Variants in IGSF10 observed in about 807,000 individuals in gnomAD.
IGSF10 encodes immunoglobulin superfamily member 10.
A neutral mutation model predicts 128.2 loss-of-function variants in IGSF10; 126 were observed. That is an observed-to-expected ratio of 0.98 (90% CI 0.85 to 1.14). The LOEUF is 1.14. IGSF10 is among the 50% of genes most tolerant of loss of function. The pLI, the probability that IGSF10 is intolerant of heterozygous loss-of-function variation, is 0.00. For synonymous variants in IGSF10, 1,185 were observed against 1,146.2 expected, an observed-to-expected ratio of 1.03 and a Z score of -0.68; for missense variants, 3,295 against 3,149.8, an observed-to-expected ratio of 1.05 and a Z score of -1.10.
chr3:151,617,238 TC>T, the IGSF10 span, among the ~76,000 whole-genome samples: 3 of 104,424 alleles, frequency 2.9e-5, no homozygotes, highest in South Asian at 5.8e-4. Flanking sequence ...TTCTTCTTCT[TC>T]CTCCTCCTCT....
At chr3:151,521,377 A>G in the IGSF10 span, among the ~76,000 whole-genome samples, 2 of 151,966 alleles carry the variant, frequency 1.3e-5, no homozygotes, top group Non-Finnish European at 1.5e-5. Context: ...ATATACCTTT[A>G]CAGAACTCTC....
Position 151,458,539 on chromosome 3 carries a change from G to A in IGSF10, c.171C>T (p.Pro57=). ...ACCCTAAATTGATGCGTTCCACATT[G>A]GGCGGGATGCTGTCTGGGATGGAAG... ...YLTSIPDSIP[P]NVERINLGYN... Residue 57 remains proline (P), a synonymous_variant, in exon 3 of 8, where the codon CCC becomes CCT. Coordinates refer to ENST00000282466, the MANE Select transcript of IGSF10 (RefSeq NM_178822.5). 1.9e-6 allele frequency: 3 copies of A among 1,613,902 alleles called. No individual in the cohort carries two copies.
At chr3:151,481,099 G>A in the IGSF10 span, among the ~76,000 whole-genome samples, 7 of 152,212 alleles carry the variant, frequency 4.6e-5, no homozygotes, top group Non-Finnish European at 1.0e-4. Flanking sequence ...CTGACATGGT[G>A]CCTGACCCCC....
At chr3:151,464,976 T>G (rs1300457648), upstream of IGSF10, among the ~76,000 whole-genome samples, 1 of 152,208 alleles carries the variant, frequency 6.6e-6, no homozygotes, top group Admixed American at 6.5e-5. Context: ...GAACACCATG[T>G]ATGGGTACAG....
the IGSF10 span, among the ~76,000 whole-genome samples, chr3:151,571,128 CT>C: frequency 1.3e-4 from 20 of 152,296 alleles, no homozygotes; most frequent in African/African-American, 4.3e-4. Flanking sequence ...GTTTTGGTTA[CT>C]GTAGGCTTGT....
the IGSF10 span, among the ~76,000 whole-genome samples, chr3:151,538,719 C>A: frequency 1.3e-5 from 2 of 152,134 alleles, no homozygotes; most frequent in African/African-American, 2.4e-5. Flanking sequence ...GAACATTACT[C>A]TTTCAACCCC....
chr3:151,597,734 T>A, the IGSF10 span, among the ~76,000 whole-genome samples: 1 of 152,032 alleles, frequency 6.6e-6, no homozygotes, highest in South Asian at 2.1e-4. Context: ...CTGGCCAATA[T>A]GGTGAAACCT....
the IGSF10 span, among the ~76,000 whole-genome samples, chr3:151,550,779 C>G: frequency 6.6e-6 from 1 of 152,112 alleles, no homozygotes; most frequent in East Asian, 1.9e-4. Context: ...TAGATTGTGT[C>G]CATGTACCCT....
the IGSF10 span, among the ~76,000 whole-genome samples, chr3:151,489,636 C>T: frequency 6.6e-6 from 1 of 152,084 alleles, no homozygotes; most frequent in Non-Finnish European, 1.5e-5. Context: ...GAATACTATG[C>T]AGCCATAAAA....
the IGSF10 span, among the ~76,000 whole-genome samples, chr3:151,512,415 G>A: frequency 3.4e-4 from 52 of 152,178 alleles, no homozygotes; most frequent in African/African-American, 1.0e-3. Context: ...TGAAACCAAC[G>A]AGAACAAAGA....
the IGSF10 span, among the ~76,000 whole-genome samples, chr3:151,482,207 T>G: frequency 1.3e-5 from 2 of 152,030 alleles, no homozygotes; most frequent in African/African-American, 4.8e-5. Flanking sequence ...AAATGAAAAT[T>G]TATAAATTGC....
the IGSF10 span, among the ~76,000 whole-genome samples, chr3:151,477,216 TA>T: frequency 6.6e-6 from 1 of 152,224 alleles, no homozygotes; most frequent in Non-Finnish European, 1.5e-5. Flanking sequence ...GTCATTGATT[TA>T]ATACCATATT....
chr3:151,619,073 GTAAA>G, the IGSF10 span, among the ~76,000 whole-genome samples: 4 of 151,476 alleles, frequency 2.6e-5, no homozygotes, highest in Non-Finnish European at 5.9e-5. Flanking sequence ...AAGTAAATAT[GTAAA>G]TAAAATATAA....
chr3:151,579,868 A>G, the IGSF10 span, among the ~76,000 whole-genome samples: 3 of 136,348 alleles, frequency 2.2e-5, no homozygotes. Flanking sequence ...GGAGGAAGGG[A>G]GGAAGGAAAG....
the IGSF10 span, among the ~76,000 whole-genome samples, chr3:151,582,334 T>C: frequency 7.0e-6 from 1 of 141,938 alleles, no homozygotes; most frequent in South Asian, 2.5e-4. Flanking sequence ...TGAAAACCCA[T>C]TTAACTAATA....
In IGSF10 at chr3:151,436,518, T is replaced by G. The variant is rs1720242242; in HGVS notation, c.*171A>C. ...TTTTGAGATCCATTAAATAAATCAG[T>G]ATCATCAGTTCATAATGCATTTATT... On this transcript the variant is annotated 3_prime_UTR_variant, in exon 8 of 8. Coordinates refer to ENST00000282466, the MANE Select transcript of IGSF10 (RefSeq NM_178822.5). The G allele has an allele frequency of 3.8e-6, 2 of 522,658 alleles. No homozygotes were observed. Among genetic ancestry groups the G allele is most frequent in the Non-Finnish European group, 3.3e-6 (1 of 302,928 alleles). 32.4% of individuals were successfully genotyped at this position (522,658 alleles called of 1,614,324 possible). A position where few individuals can be genotyped will look rare whatever the true frequency, so the allele number is the denominator to read the frequency against.
rs777932572 is a variant in IGSF10 at position 151,446,487 on chromosome 3, AC to A, written c.3493del (p.Val1165CysfsTer12). 13 of 1,614,104 alleles carry A rather than the reference AC, an allele frequency of 8.1e-6. No individual in the cohort carries two copies. The highest frequency in any genetic ancestry group is 4.2e-6 in the Non-Finnish European group (5 of 1,180,050). On this transcript the variant is annotated frameshift_variant, in exon 6 of 8. Coordinates refer to ENST00000282466, the MANE Select transcript of IGSF10 (RefSeq NM_178822.5). LOFTEE classifies it high-confidence loss of function. Reference protein sequence around the residue: ...THKVNASYPRVSSTNEAKRDS... With the variant: ...THKVNASYPRXSSTNEAKRDS... ...TCTTTTAGCTTCATTGGTGCTAGAC[AC>A]ACGTGGGTAACTGGCGTTTACTTTG...
the IGSF10 span, among the ~76,000 whole-genome samples, chr3:151,525,257 G>T: frequency 6.6e-6 from 1 of 151,788 alleles, no homozygotes; most frequent in Admixed American, 6.6e-5. Flanking sequence ...TGACAAATTC[G>T]AGTAGTTTAC....
the IGSF10 span, among the ~76,000 whole-genome samples, chr3:151,510,108 G>C: frequency 1.3e-5 from 2 of 152,188 alleles, no homozygotes; most frequent in African/African-American, 4.8e-5. Context: ...GTCCCTGTCT[G>C]ACAGCTTTGA....
Sources: allele counts gnomAD v4.1 joint callset (sites outside exome capture counted in the v4.1 genomes callset), GRCh38; gene constraint gnomAD v4.1.1; transcripts MANE v1.5; gene names NCBI Gene and HGNC (gene_info 2026-07-23, HGNC 2026-07-21).